Variants in UNC13C observed in about 807,000 individuals in gnomAD.
The protein encoded by UNC13C is unc-13 homolog C.
UNC13C carries 174 observed loss-of-function variants against 245.4 expected under a neutral mutation model. That is an observed-to-expected ratio of 0.71 (90% CI 0.63 to 0.80). The LOEUF (loss-of-function observed/expected upper bound fraction) is 0.80. UNC13C is among the 30% of genes least tolerant of loss of function. The pLI is 0.00. For synonymous variants in UNC13C, 992 were observed against 895.1 expected (o/e 1.11, Z -1.93); for missense variants, 2,829 against 2,602.9 (o/e 1.09, Z -1.89).
intron 18 of UNC13C, among the ~76,000 whole-genome samples, chr15:54,401,944 A>T (rs2040195815): frequency 6.6e-6 from 1 of 151,968 alleles, no homozygotes; most frequent in Non-Finnish European, 1.5e-5. Flanking sequence ...CTTTTTAATT[A>T]TTTGTAGTTA....
intron 17 of UNC13C, among the ~76,000 whole-genome samples, chr15:54,365,579 G>A (rs1009004727): frequency 4.0e-5 from 6 of 151,816 alleles, no homozygotes; most frequent in Non-Finnish European, 8.8e-5. Flanking sequence ...GATATCTTTT[G>A]TATTACGTAG....
chr15:53,995,520 C>T (rs1208146426), intron 1 of UNC13C, among the ~76,000 whole-genome samples: 1 of 116,570 alleles, frequency 8.6e-6, no homozygotes, highest in East Asian at 2.9e-4. Context: ...AAGGTTTATA[C>T]TTGACTGCTT....
At position 54,255,405 on chromosome 15, in the gene UNC13C, G is replaced by A. The variant is rs568887282; in HGVS notation, c.3448+4961G>A. On this transcript the variant is annotated intron_variant, in intron 8 of 32. Coordinates refer to ENST00000260323, the MANE Select transcript of UNC13C (RefSeq NM_001080534.3). ...TGGAGGCCCAGGCTGTCCTCTGACTGCCCTGGCCAAACTCCACCACGTTCT... is the reference window on the plus strand; with the variant it reads ...TGGAGGCCCAGGCTGTCCTCTGACTACCCTGGCCAAACTCCACCACGTTCT... Among the ~76,000 whole-genome samples the A allele has an allele frequency of 2.0e-5, 3 of 152,142 alleles. No homozygotes were observed. In the South Asian group the frequency reaches 6.2e-4, roughly 32 times the overall value.
intron 2 of UNC13C, among the ~76,000 whole-genome samples, chr15:54,133,403 T>A (rs2141218907): frequency 6.6e-6 from 1 of 152,290 alleles, no homozygotes; most frequent in Admixed American, 6.5e-5. Flanking sequence ...AATAGTGCTG[T>A]TCGCCGAGTA....
chr15:53,899,619 G>A, the UNC13C span, among the ~76,000 whole-genome samples: 1 of 152,010 alleles, frequency 6.6e-6, no homozygotes, highest in Non-Finnish European at 1.5e-5. Flanking sequence ...TTTCACTCTT[G>A]TTGCCCAGGA....
chr15:54,003,603 A>C (rs887432795), intron 1 of UNC13C, among the ~76,000 whole-genome samples: 2 of 152,246 alleles, frequency 1.3e-5, no homozygotes, highest in African/African-American at 4.8e-5. Context: ...TGATACAGAC[A>C]TGCAATGTGT....
In UNC13C at chr15:54,627,868, T is replaced by C. The variant is rs1246623686; in HGVS notation, c.*755T>C. The C allele has an allele frequency of 6.6e-6, 1 of 152,598 alleles. No homozygotes were observed. The highest frequency in any genetic ancestry group is 1.5e-5 in the Non-Finnish European group (1 of 68,008). The allele number at this position is 152,598 out of a possible 1,614,324, so 9.5% of individuals were successfully genotyped here. ...CTTGGCTTTACCATATTTCATTCTT[T>C]AAAAAGTCATTAATGGTTTAGAAAT... On this transcript the variant is annotated 3_prime_UTR_variant, in exon 33 of 33. Transcript: ENST00000260323.
chr15:54,208,736 A>G (rs2034790032), intron 4 of UNC13C, among the ~76,000 whole-genome samples: 1 of 152,134 alleles, frequency 6.6e-6, no homozygotes, highest in Non-Finnish European at 1.5e-5. Flanking sequence ...GTAAGGTTAT[A>G]TAAGTCTCAT....
At chr15:54,501,014 G>A (rs758525703) in intron 22 of UNC13C, 36 bp downstream of exon 22, 26 of 1,601,338 alleles carry the variant, frequency 1.6e-5, no homozygotes, top group Non-Finnish European at 2.2e-5. Flanking sequence ...TTTTCTCTGG[G>A]TCTGTGGCAA....
At chr15:53,845,496 G>A in the UNC13C span, among the ~76,000 whole-genome samples, 1 of 152,026 alleles carries the variant, frequency 6.6e-6, no homozygotes, top group African/African-American at 2.4e-5. Flanking sequence ...TCAACACAAT[G>A]TCCTATGATA....
At chr15:54,032,991 G>A (rs1207304157) in intron 2 of UNC13C, among the ~76,000 whole-genome samples, 1 of 152,132 alleles carries the variant, frequency 6.6e-6, no homozygotes, top group African/African-American at 2.4e-5. Flanking sequence ...GGGTGAAAGG[G>A]TGGGAAGGTG....
In UNC13C at chr15:54,449,131, T is replaced by C. The variant is rs1037623701; in HGVS notation, c.4933+34064T>C. ...ACTCTCTTCTGGCTTGTGGAGTTTCTGCCGAGAGATCCACTGTTAGTCTTA... is the reference window on the plus strand; with the variant it reads ...ACTCTCTTCTGGCTTGTGGAGTTTCCGCCGAGAGATCCACTGTTAGTCTTA... On this transcript the variant is annotated intron_variant, in intron 19 of 32. Coordinates refer to ENST00000260323, the MANE Select transcript of UNC13C (RefSeq NM_001080534.3). Among the ~76,000 whole-genome samples the C allele has an allele frequency of 3.9e-5, 6 of 152,264 alleles. No homozygotes were observed. In the South Asian group the frequency reaches 1.2e-3, roughly 31 times the overall value.
chr15:53,861,810 A>G, the UNC13C span, among the ~76,000 whole-genome samples: 4 of 152,124 alleles, frequency 2.6e-5, no homozygotes, highest in East Asian at 1.9e-4. Context: ...AAGATAGGTA[A>G]AAGGGAGAAA....
At chr15:54,298,066 ATACTAAGATATCATAAATTCT>A in intron 12 of UNC13C, 140 bp downstream of exon 12, 1 of 629,844 alleles carries the variant, frequency 1.6e-6, no homozygotes, top group East Asian at 2.8e-5. Flanking sequence ...AGCAGGTGAT[ATACTAAGATATCATAAATTCT>A]ATGTGTTGTA....
At chr15:53,976,283 A>T (rs1340893758), upstream of UNC13C, among the ~76,000 whole-genome samples, 1 of 152,188 alleles carries the variant, frequency 6.6e-6, no homozygotes, top group Non-Finnish European at 1.5e-5. Flanking sequence ...CACTGCATTC[A>T]TTAAAACACA....
At chr15:53,992,148 T>A (rs1260096291) in intron 1 of UNC13C, among the ~76,000 whole-genome samples, 1 of 152,046 alleles carries the variant, frequency 6.6e-6, no homozygotes, top group African/African-American at 2.4e-5. Context: ...GTGTTAAATT[T>A]AATATCACTG....
intron 26 of UNC13C, among the ~76,000 whole-genome samples, chr15:54,540,824 G>C (rs1896211935): frequency 6.6e-6 from 1 of 152,050 alleles, no homozygotes; most frequent in Non-Finnish European, 1.5e-5. Context: ...GGGTTAGTCA[G>C]CATGCCAAGT....
At chr15:54,432,768 T>C (rs1336411192) in intron 19 of UNC13C, among the ~76,000 whole-genome samples, 1 of 151,308 alleles carries the variant, frequency 6.6e-6, no homozygotes, top group African/African-American at 2.4e-5. Context: ...CTGAAGGAGA[T>C]GGAGACATGA....
chr15:54,026,541 T>A (rs1411595579), intron 2 of UNC13C, among the ~76,000 whole-genome samples: 1 of 152,246 alleles, frequency 6.6e-6, no homozygotes, highest in Non-Finnish European at 1.5e-5. Flanking sequence ...TGGAGTCATT[T>A]ATTAAAGACA....
Sources: gnomAD v4.1 joint callset for allele counts (sites outside exome capture counted in the v4.1 genomes callset) on GRCh38, gnomAD v4.1.1 for gene constraint, MANE v1.5 for transcripts, NCBI Gene and HGNC (gene_info 2026-07-23, HGNC 2026-07-21) for gene names.